Variants in MYMK observed in about 807,000 individuals in gnomAD.
The protein encoded by MYMK is protein myomaker.
A neutral mutation model predicts 22.4 loss-of-function variants in MYMK; 16 were observed. That is an observed-to-expected ratio of 0.72 (90% CI 0.48 to 1.09). The LOEUF (loss-of-function observed/expected upper bound fraction) is 1.09. Ranked by LOEUF, MYMK falls within the 50% of genes least tolerant of loss-of-function variation. MYMK has a pLI of 0.00. For synonymous variants in MYMK, 125 were observed against 127.0 expected (o/e 0.98, Z 0.11); for missense variants, 250 against 295.6 (o/e 0.85, Z 1.13).
At position 133,515,486 on chromosome 9, in the gene MYMK, G is replaced by A. The variant is rs113080111; in HGVS notation, c.516+5C>T. 203 of 1,597,326 alleles carry A rather than the reference G, an allele frequency of 1.3e-4. No individual in the cohort carries two copies. In the African/African-American group the frequency reaches 2.2e-3, roughly 18 times the overall value. On this transcript the variant is annotated splice_donor_5th_base_variant and intron_variant, in intron 4 of 4. Transcript: ENST00000339996. The surrounding 1 kb of genome is among the most constrained non-coding windows in gnomAD (Gnocchi z 5.8). ...CACAGGACACCTCCCCGCTGGGCTT[G>A]GTACCTCAAAGAAGAAGCGTAGCAT...
At chr9:133,520,147 G>A (rs752952277) in intron 2 of MYMK, 27 bp downstream of exon 2, 1 of 1,588,338 alleles carries the variant, frequency 6.3e-7, no homozygotes, top group South Asian at 1.1e-5. Context: ...TGTCCGCAAG[G>A]CTTGTCTGCA....
At chr9:133,521,160 G>C (rs967760063) in intron 1 of MYMK, among the ~76,000 whole-genome samples, 9 of 152,168 alleles carry the variant, frequency 5.9e-5, no homozygotes, top group African/African-American at 2.2e-4. Context: ...AAGGCAAAAG[G>C]CTTATAGGGA....
At position 133,524,891 on chromosome 9, in the gene MYMK, C is replaced by T. The variant is rs1564486414; in HGVS notation, c.-47G>A. 1 of 1,562,238 alleles carries T rather than the reference C, an allele frequency of 6.4e-7. No homozygotes were observed. The highest frequency in any genetic ancestry group is 8.7e-7 in the Non-Finnish European group (1 of 1,155,048). ...CTGGGGTGGGGAGGGTGCTGGTGTC[C>T]CAGGTCCCCAGCACAGGAGCACGAA... On this transcript the variant is annotated 5_prime_UTR_variant, in exon 1 of 5. Coordinates refer to ENST00000339996, the MANE Select transcript of MYMK (RefSeq NM_001080483.3).
intron 3 of MYMK, among the ~76,000 whole-genome samples, chr9:133,517,098 T>G (rs1844640822): frequency 6.6e-6 from 1 of 151,996 alleles, no homozygotes; most frequent in Admixed American, 6.6e-5. Context: ...AGCAGTGAAT[T>G]CTCTTCTGGG....
Position 133,521,303 on chromosome 9 carries a change from G to A in MYMK, c.136-1015C>T, listed in dbSNP as rs189532629. On this transcript the variant is annotated intron_variant, in intron 1 of 4. Transcript: ENST00000339996. The stretch of plus-strand genomic sequence containing the variant: ...TGACAGGTTCAACTGGCACAAACAA[G>A]CTTGGGAAACAGCACGGTGGACTCT... 4.9e-4 allele frequency among the ~76,000 whole-genome samples: 75 copies of A among 152,318 alleles called. No homozygotes were observed. In the Middle Eastern group the frequency reaches 0.01, roughly 21 times the overall value.
chr9:133,524,581 TG>T, intron 1 of MYMK, 128 bp downstream of exon 1: 1 of 1,388,426 alleles, frequency 7.2e-7, no homozygotes, highest in Non-Finnish European at 9.9e-7. Flanking sequence ...AGACCCCACC[TG>T]GGCCTGCTGT....
intron 1 of MYMK, among the ~76,000 whole-genome samples, chr9:133,522,216 G>C (rs995592873): frequency 1.3e-5 from 2 of 152,252 alleles, no homozygotes; most frequent in Non-Finnish European, 2.9e-5. Context: ...TGCAGTGCAG[G>C]GGGCAGACCT....
At chr9:133,514,895 G>A (rs1844611564) in intron 4 of MYMK, 110 bp from the exon 5 acceptor site, 8 of 1,249,472 alleles carry the variant, frequency 6.4e-6, no homozygotes, top group Non-Finnish European at 8.8e-6. Context: ...AGGGCACTGG[G>A]ACACCTGCAG....
At chr9:133,518,162 G>A (rs1255389855) in intron 3 of MYMK, among the ~76,000 whole-genome samples, 2 of 152,190 alleles carry the variant, frequency 1.3e-5, no homozygotes, top group East Asian at 3.9e-4. Flanking sequence ...AGATGCCCCG[G>A]GTCTATTTTT....
rs1163439620 is a variant in MYMK at position 133,515,062 on chromosome 9, C to A, written c.517-277G>T. ...TCCTCCATCCTTCTCTCCCTCCTACCCTCCCTCCCTCCATCTCCCCCTCTT... is the reference window on the plus strand; with the variant it reads ...TCCTCCATCCTTCTCTCCCTCCTACACTCCCTCCCTCCATCTCCCCCTCTT... On this transcript the variant is annotated intron_variant, in intron 4 of 4. Transcript: ENST00000339996. The surrounding 1 kb of genome is among the most constrained non-coding windows in gnomAD (Gnocchi z 5.8). 3.3e-5 allele frequency among the ~76,000 whole-genome samples: 5 copies of A among 151,878 alleles called. No homozygotes were observed. The highest frequency in any genetic ancestry group is 7.4e-5 in the Non-Finnish European group (5 of 67,920).
rs957596567 is a variant in MYMK at position 133,518,734 on chromosome 9, T to C, written c.399+140A>G. 9.8e-5 allele frequency: 107 copies of C among 1,091,848 alleles called. 1 individual carries two copies. In the East Asian group the frequency reaches 2.7e-3, roughly 27 times the overall value. 67.6% of individuals were successfully genotyped at this position (1,091,848 alleles called of 1,614,324 possible). ...GAGCACCTCATGGCTATTTTCTACG[T>C]GGTTTTGCTGAATTCCTGCATCCAC... is the stretch of plus-strand genomic sequence containing the variant. On this transcript the variant is annotated intron_variant, in intron 3 of 4. Coordinates refer to ENST00000339996, the MANE Select transcript of MYMK (RefSeq NM_001080483.3).
intron 1 of MYMK, among the ~76,000 whole-genome samples, chr9:133,522,993 C>T (rs1467926779): frequency 2.0e-5 from 3 of 152,178 alleles, no homozygotes; most frequent in East Asian, 1.9e-4. Context: ...GTGCACAGAG[C>T]GCCTAGCCGA....
At chr9:133,523,251 C>T (rs1282859540) in intron 1 of MYMK, among the ~76,000 whole-genome samples, 5 of 152,260 alleles carry the variant, frequency 3.3e-5, no homozygotes, top group South Asian at 2.1e-4. Flanking sequence ...TGTGAGCTCA[C>T]GGGCCTCACC....
chr9:133,524,901 A>G lies in MYMK; in HGVS notation c.-57T>C. The G allele has an allele frequency of 1.3e-6, 2 of 1,536,712 alleles. No individual in the cohort carries two copies. The highest frequency in any genetic ancestry group is 1.7e-6 in the Non-Finnish European group (2 of 1,143,976). ...GAGGGTGCTGGTGTCCCAGGTCCCC[A>G]GCACAGGAGCACGAAGTGGGAAGGC... On this transcript the variant is annotated 5_prime_UTR_variant, in exon 1 of 5. Transcript: ENST00000339996.
chr9:133,519,472 A>T (rs1004983626), intron 2 of MYMK, among the ~76,000 whole-genome samples: 1 of 152,004 alleles, frequency 6.6e-6, no homozygotes, highest in African/African-American at 2.4e-5. Flanking sequence ...AGGTGGGAGG[A>T]TGGCTTGAGG....
intron 1 of MYMK, among the ~76,000 whole-genome samples, chr9:133,522,258 G>A (rs191151435): frequency 9.8e-5 from 15 of 152,296 alleles, no homozygotes; most frequent in Non-Finnish European, 2.1e-4. Context: ...GGGTGGGTGC[G>A]GCTGAGGGCC....
chr9:133,520,106 C>T lies in MYMK; in HGVS notation c.250+68G>A, dbSNP rs1292614239. 4 of 1,255,616 alleles carry T rather than the reference C, an allele frequency of 3.2e-6. No homozygotes were observed. In the Admixed American group the frequency reaches 6.8e-5, roughly 21 times the overall value. The allele number at this position is 1,255,616 out of a possible 1,614,324, so 77.8% of individuals were successfully genotyped here. On this transcript the variant is annotated intron_variant, in intron 2 of 4. Coordinates refer to ENST00000339996, the MANE Select transcript of MYMK (RefSeq NM_001080483.3). ...GGGCTGCAGCGGGACTGGTTTGAGGCTGGGTGTGCGGACACTGGGGAGCCG... is the reference window on the plus strand; with the variant it reads ...GGGCTGCAGCGGGACTGGTTTGAGGTTGGGTGTGCGGACACTGGGGAGCCG...
rs1162891287 is a variant in MYMK, at chr9:133,515,519, A to C, written c.488T>G (p.Leu163Arg). Residue 163 changes from leucine to arginine, a missense_variant, in exon 4 of 5, where the codon CTG becomes CGG. Physicochemically the swap from Leu to Arg is moderately radical, Grantham distance 102. Transcript: ENST00000339996. The surrounding 1 kb of genome is among the most constrained non-coding windows in gnomAD (Gnocchi z 5.8). ...AAAGAAGAAGCGTAGCATCAGGGCCAGCGCCCCGAAGCAGAGGCCGGGGCC... is the reference window on the plus strand; with the variant it reads ...AAAGAAGAAGCGTAGCATCAGGGCCCGCGCCCCGAAGCAGAGGCCGGGGCC... ...QIGPGLCFGA[L>R]ALMLRFFFED... The C allele has an allele frequency of 6.2e-7, 1 of 1,612,992 alleles. No homozygotes were observed. Among genetic ancestry groups the C allele is most frequent in the East Asian group, 2.2e-5 (1 of 44,846 alleles).
Position 133,514,682 on chromosome 9 carries a change from G to A in MYMK, c.620C>T (p.Thr207Ile). ...KVNKKAGSPG[T>I]PAKLDCSTLC... ...GGTGGAGCAGTCCAGCTTGGCCGGG[G>A]TCCCCGGGGATCCAGCCTTCTTGTT... The change falls in exon 5 of 5, where the codon ACC becomes ATC. Residue 207 changes from threonine (T) to isoleucine (I), a missense_variant. By Grantham distance (89) the Thr-to-Ile change is moderately conservative. Coordinates refer to ENST00000339996, the MANE Select transcript of MYMK (RefSeq NM_001080483.3). 6.2e-7 allele frequency: 1 copy of A among 1,614,012 alleles called. No homozygotes were observed. The highest frequency in any genetic ancestry group is 1.1e-5 in the South Asian group (1 of 91,088).
Sources: allele counts gnomAD v4.1 joint callset (sites outside exome capture counted in the v4.1 genomes callset), GRCh38; gene constraint gnomAD v4.1.1; non-coding constraint Gnocchi (gnomAD v3.1); transcripts MANE v1.5; gene names NCBI Gene and HGNC (gene_info 2026-07-23, HGNC 2026-07-21).